Variants in RGSL1 observed in about 807,000 individuals in gnomAD.
RGSL1 encodes regulator of G protein signaling like 1.
A neutral mutation model predicts 124.7 loss-of-function variants in RGSL1; 97 were observed. The ratio of observed to expected loss-of-function variants is 0.78; its 90% CI spans 0.66 to 0.92. The LOEUF (loss-of-function observed/expected upper bound fraction) is 0.92. RGSL1 is among the 40% of genes least tolerant of loss of function. The pLI, the probability that RGSL1 is intolerant of heterozygous loss-of-function variation, is 0.00. For synonymous variants in RGSL1, 424 were observed against 438.1 expected (o/e 0.97, Z 0.40); for missense variants, 1,233 against 1,288.4 (o/e 0.96, Z 0.66).
chr1:182,457,814 G>A (rs935606857), intron 2 of RGSL1, among the ~76,000 whole-genome samples: 2 of 152,184 alleles, frequency 1.3e-5, no homozygotes, highest in African/African-American at 4.8e-5. Flanking sequence ...TGGTATCCTA[G>A]AATTACATTA....
intron 21 of RGSL1, among the ~76,000 whole-genome samples, chr1:182,557,504 G>A (rs182181394): frequency 2.0e-5 from 3 of 152,272 alleles, no homozygotes; most frequent in African/African-American, 4.8e-5. Flanking sequence ...ATACTAACTC[G>A]TGGTCACATA....
At chr1:182,485,229 G>A (rs980443842) in intron 6 of RGSL1, among the ~76,000 whole-genome samples, 9 of 152,160 alleles carry the variant, frequency 5.9e-5, no homozygotes, top group African/African-American at 1.4e-4. Flanking sequence ...ATCCAGGCTC[G>A]GGGAGTGGGT....
intron 21 of RGSL1, among the ~76,000 whole-genome samples, chr1:182,558,616 G>C (rs1233693273): frequency 6.6e-6 from 1 of 152,130 alleles, no homozygotes; most frequent in Non-Finnish European, 1.5e-5. Flanking sequence ...CTGGCTGTCA[G>C]CTGAGAGCCG....
In RGSL1 at chr1:182,530,367, T is replaced by C. The variant is rs1221938508; in HGVS notation, c.2243+6T>C. The C allele has an allele frequency of 3.9e-6, 6 of 1,542,396 alleles. No homozygotes were observed. The highest frequency in any genetic ancestry group is 5.3e-6 in the Non-Finnish European group (6 of 1,139,580). ...AAATCTATAGAAGAAAAGTGGTGAG[T>C]ATACTCAATTAAGGAAAGGATTCTT... On this transcript the variant is annotated splice_donor_region_variant and intron_variant, in intron 12 of 21. Transcript: ENST00000294854.
intron 9 of RGSL1, among the ~76,000 whole-genome samples, chr1:182,517,409 T>C (rs933817983): frequency 4.7e-5 from 7 of 149,890 alleles, no homozygotes; most frequent in African/African-American, 1.7e-4. Context: ...TGGATACTTA[T>C]CTCTTTCTCA....
intron 9 of RGSL1, among the ~76,000 whole-genome samples, chr1:182,519,028 T>C (rs1658132222): frequency 6.6e-6 from 1 of 151,428 alleles, no homozygotes; most frequent in Admixed American, 6.6e-5. Context: ...GGTAGGTCAG[T>C]AATTTCTATA....
chr1:182,554,668 G>A lies in RGSL1; in HGVS notation c.3172G>A (p.Ala1058Thr), dbSNP rs1174621096. 1 of 1,551,556 alleles carries A rather than the reference G, an allele frequency of 6.4e-7. No homozygotes were observed. The highest frequency in any genetic ancestry group is 1.4e-5 in the African/African-American group (1 of 73,042). ...KLTQPRLVVS[A>T]MQLHPVQGQK... ...TACTCAGCCAAGACTCGTGGTATCT[G>A]CCATGCAGCTGCATCCCGTCCAGGG... is the stretch of plus-strand genomic sequence containing the variant. The change falls in exon 20 of 22, where the codon GCC (alanine) becomes ACC (threonine). Residue 1058 changes from alanine to threonine, a missense_variant. Transcript: ENST00000294854.
intron 6 of RGSL1, among the ~76,000 whole-genome samples, chr1:182,480,050 C>A (rs572415822): frequency 1.3e-5 from 2 of 152,138 alleles, no homozygotes; most frequent in Non-Finnish European, 2.9e-5. Flanking sequence ...TAATAGAAGA[C>A]TTCAATACCC....
intron 15 of RGSL1, among the ~76,000 whole-genome samples, chr1:182,546,540 C>T (rs1407687738): frequency 6.6e-6 from 1 of 152,106 alleles, no homozygotes; most frequent in Non-Finnish European, 1.5e-5. Flanking sequence ...ACTACAGGCA[C>T]ATGCCACCAC....
chr1:182,488,924 G>C (rs140172735), intron 7 of RGSL1, 56 bp from the exon 8 acceptor site: 4 of 1,383,608 alleles, frequency 2.9e-6, no homozygotes, highest in Admixed American at 2.1e-5. Context: ...CAAAATTATT[G>C]CTTCTGGTCT....
chr1:182,469,049 G>T (rs762508945), intron 4 of RGSL1, among the ~76,000 whole-genome samples: 1 of 151,890 alleles, frequency 6.6e-6, no homozygotes, highest in East Asian at 1.9e-4. Context: ...TAAATTTAAG[G>T]CATAAAACTA....
At chr1:182,548,201 C>T in intron 15 of RGSL1, 116 bp from the exon 16 acceptor site, 1 of 1,032,730 alleles carries the variant, frequency 9.7e-7, no homozygotes, top group Admixed American at 2.3e-5. Flanking sequence ...AAGTCACAAC[C>T]TGGCCTAGAA....
intron 10 of RGSL1, among the ~76,000 whole-genome samples, chr1:182,526,463 T>A (rs1311985672): frequency 1.3e-5 from 2 of 151,574 alleles, no homozygotes; most frequent in Non-Finnish European, 2.9e-5. Context: ...AGCTCAGGAG[T>A]TTAACACAAG....
chr1:182,553,206 C>A (rs1355679219), intron 18 of RGSL1, among the ~76,000 whole-genome samples: 1 of 152,114 alleles, frequency 6.6e-6, no homozygotes, highest in Non-Finnish European at 1.5e-5. Context: ...GCCTGGCTAG[C>A]CTCATCACCT....
intron 4 of RGSL1, among the ~76,000 whole-genome samples, chr1:182,464,249 T>G (rs1237360627): frequency 6.6e-6 from 1 of 151,842 alleles, no homozygotes; most frequent in Non-Finnish European, 1.5e-5. Context: ...AAATCTCAAA[T>G]AACACAACTT....
intron 8 of RGSL1, among the ~76,000 whole-genome samples, chr1:182,490,295 C>T (rs1285071182): frequency 6.6e-6 from 1 of 152,190 alleles, no homozygotes; most frequent in East Asian, 1.9e-4. Context: ...CTCTCTGAAC[C>T]TAATTTCTTC....
At chr1:182,461,266 G>T (rs1652809663) in intron 4 of RGSL1, among the ~76,000 whole-genome samples, 1 of 151,856 alleles carries the variant, frequency 6.6e-6, no homozygotes, top group African/African-American at 2.4e-5. Context: ...GATATAGGGA[G>T]ATAAATTTAT....
intron 4 of RGSL1, among the ~76,000 whole-genome samples, chr1:182,462,182 T>G (rs902061120): frequency 2.2e-4 from 33 of 152,248 alleles, no homozygotes; most frequent in African/African-American, 7.7e-4. Context: ...CATCAGAAAC[T>G]GTGGAGTCCA....
chr1:182,476,720 C>T (rs1444269182), intron 6 of RGSL1, among the ~76,000 whole-genome samples: 3 of 152,172 alleles, frequency 2.0e-5, no homozygotes, highest in Admixed American at 6.5e-5. Context: ...AATCCAAAGT[C>T]CCTAATAAAT....
Sources: gnomAD v4.1 joint callset for allele counts (sites outside exome capture counted in the v4.1 genomes callset) on GRCh38, gnomAD v4.1.1 for gene constraint, MANE v1.5 for transcripts, NCBI Gene and HGNC (gene_info 2026-07-23, HGNC 2026-07-21) for gene names.